The following FER1L6 variants were observed in gnomAD, a reference collection of about 807,000 sequenced individuals.
The protein encoded by FER1L6 is fer-1-like protein 6.
FER1L6 carries 177 observed loss-of-function variants against 219.2 expected under a neutral mutation model. The ratio of observed to expected loss-of-function variants is 0.81; its 90% CI spans 0.71 to 0.91. The LOEUF is 0.91. Ranked by LOEUF, FER1L6 falls within the 40% of genes least tolerant of loss-of-function variation. The probability of loss-of-function intolerance (pLI) is 0.00; values close to 1 mark genes in which losing one functional copy is unlikely to be tolerated. For synonymous variants in FER1L6, 768 were observed against 824.3 expected (o/e 0.93, Z 1.17); for missense variants, 2,153 against 2,259.9 (o/e 0.95, Z 0.96).
At chr8:123,972,358 A>G (rs1815858100) in intron 6 of FER1L6, among the ~76,000 whole-genome samples, 1 of 152,228 alleles carries the variant, frequency 6.6e-6, no homozygotes, top group Non-Finnish European at 1.5e-5. Context: ...CTGAATGTTT[A>G]TTGAATATCT....
chr8:124,023,677 G>A, intron 18 of FER1L6, 81 bp downstream of exon 18: 1 of 1,438,250 alleles, frequency 7.0e-7, no homozygotes, highest in Non-Finnish European at 9.5e-7. Flanking sequence ...GTGTGTCCAT[G>A]GCTCTGACCA....
chr8:123,917,369 A>T (rs1813220386), intron 1 of FER1L6, among the ~76,000 whole-genome samples: 1 of 152,244 alleles, frequency 6.6e-6, no homozygotes, highest in African/African-American at 2.4e-5. Flanking sequence ...CGAGGTGTCC[A>T]GTACATCAAT....
At chr8:123,956,858 G>A (rs1408213551) in intron 2 of FER1L6, among the ~76,000 whole-genome samples, 1 of 152,152 alleles carries the variant, frequency 6.6e-6, no homozygotes. Context: ...CTCTTAGAAT[G>A]GGATACCTCC....
At chr8:123,886,632 T>G (rs1209731763) in intron 1 of FER1L6, among the ~76,000 whole-genome samples, 10 of 152,234 alleles carry the variant, frequency 6.6e-5, no homozygotes, top group Admixed American at 6.5e-4. Context: ...GTCTAAGACC[T>G]GGGTGATCAT....
chr8:124,018,535 T>TC (rs1360444236), intron 16 of FER1L6, among the ~76,000 whole-genome samples: 1 of 152,212 alleles, frequency 6.6e-6, no homozygotes, highest in African/African-American at 2.4e-5. Context: ...AATAAGACCT[T>TC]CTTCCTATGC....
chr8:123,857,888 T>G (rs1418013905), intron 1 of FER1L6, among the ~76,000 whole-genome samples: 1 of 152,208 alleles, frequency 6.6e-6, no homozygotes. Context: ...CTCAAGCTCC[T>G]GGGGACTGAT....
At chr8:123,942,043 CTCTG>C (rs1347700904) in intron 1 of FER1L6, among the ~76,000 whole-genome samples, 1 of 152,172 alleles carries the variant, frequency 6.6e-6, no homozygotes, top group Non-Finnish European at 1.5e-5. Flanking sequence ...AGGGAACCCA[CTCTG>C]TCTGTGAACC....
chr8:123,903,912 T>G (rs1420132321), intron 1 of FER1L6, among the ~76,000 whole-genome samples: 2 of 152,182 alleles, frequency 1.3e-5, no homozygotes. Flanking sequence ...AAGAGGGATT[T>G]GACAATTTAA....
rs144547960 is a variant in FER1L6, at chr8:123,872,721, A to C, written c.-8+20536A>C. ...AAAAAAAACTTATATTTAAAAAAGC[A>C]TACCTGATAGAGAATTCCCATTTAG... On this transcript the variant is annotated intron_variant, in intron 1 of 40. Coordinates refer to ENST00000522917, the MANE Select transcript of FER1L6 (RefSeq NM_001039112.2). Among the ~76,000 whole-genome samples, 84 of 152,318 alleles carry C rather than the reference A, an allele frequency of 5.5e-4. 1 individual carries two copies. Among genetic ancestry groups the C allele is most frequent in the African/African-American group, 1.9e-3 (80 of 41,566 alleles).
In FER1L6 at chr8:124,006,363, A is replaced by AT. The variant is rs142244969; in HGVS notation, c.1700+3025dup. Among the ~76,000 whole-genome samples the AT allele has an allele frequency of 1.2e-3, 182 of 151,254 alleles. 1 individual carries two copies. The highest frequency in any genetic ancestry group is 3.9e-3 in the African/African-American group (163 of 41,310). On this transcript the variant is annotated intron_variant, in intron 13 of 40. Coordinates refer to ENST00000522917, the MANE Select transcript of FER1L6 (RefSeq NM_001039112.2). ...GGAGATCAAAATAAGTCATGCTGGT[A>AT]TTTTTTTTTGGTACAGTTGGGCTTT...
At chr8:124,024,967 A>G (rs1427364337) in intron 18 of FER1L6, among the ~76,000 whole-genome samples, 2 of 151,954 alleles carry the variant, frequency 1.3e-5, no homozygotes, top group African/African-American at 2.4e-5. Flanking sequence ...AGTGATGCTG[A>G]GCATTTTTTT....
chr8:124,059,401 A>T (rs1483282334), intron 22 of FER1L6, among the ~76,000 whole-genome samples: 1 of 152,050 alleles, frequency 6.6e-6, no homozygotes, highest in Non-Finnish European at 1.5e-5. Context: ...TGAATGGTAG[A>T]AGCAGCTGGG....
At chr8:124,114,895 G>GTGTATATATATATATATA (rs368797867) in intron 39 of FER1L6, among the ~76,000 whole-genome samples, 2 of 90,050 alleles carry the variant, frequency 2.2e-5, no homozygotes, top group African/African-American at 7.8e-5. Flanking sequence ...GTGTGTGTGC[G>GTGTATATATATATATATA]TATATATATA....
chr8:124,031,578 A>G (rs1363872563), intron 18 of FER1L6, among the ~76,000 whole-genome samples: 1 of 152,168 alleles, frequency 6.6e-6, no homozygotes, highest in East Asian at 1.9e-4. Flanking sequence ...AGGCAGAGGG[A>G]AAGTTAGAGT....
At chr8:124,006,523 C>CAT (rs1817661835) in intron 13 of FER1L6, among the ~76,000 whole-genome samples, 1 of 152,194 alleles carries the variant, frequency 6.6e-6, no homozygotes, top group Non-Finnish European at 1.5e-5. Context: ...TGCATGTGCA[C>CAT]ATATATATGA....
intron 21 of FER1L6, among the ~76,000 whole-genome samples, chr8:124,049,223 T>G (rs1335244817): frequency 6.6e-6 from 1 of 152,058 alleles, no homozygotes; most frequent in East Asian, 1.9e-4. Context: ...AATTTTTGTA[T>G]TTTTAGTAGA....
intron 22 of FER1L6, among the ~76,000 whole-genome samples, chr8:124,051,394 C>G (rs1249164810): frequency 6.6e-6 from 1 of 152,194 alleles, no homozygotes; most frequent in Non-Finnish European, 1.5e-5. Context: ...GGAGAAATCT[C>G]TGATACAGGC....
At chr8:124,098,319 A>C (rs1822398323) in intron 37 of FER1L6, among the ~76,000 whole-genome samples, 1 of 152,198 alleles carries the variant, frequency 6.6e-6, no homozygotes, top group Non-Finnish European at 1.5e-5. Flanking sequence ...GACCCAGGGA[A>C]GCATTTTATA....
intron 1 of FER1L6, among the ~76,000 whole-genome samples, chr8:123,862,512 T>C (rs1816764006): frequency 7.1e-6 from 1 of 140,360 alleles, no homozygotes; most frequent in African/African-American, 2.9e-5. Flanking sequence ...TTAGGGAGGA[T>C]TACCTCTTTT....
Sources: gnomAD v4.1 joint callset for allele counts (sites outside exome capture counted in the v4.1 genomes callset) on GRCh38, gnomAD v4.1.1 for gene constraint, MANE v1.5 for transcripts, NCBI Gene and HGNC (gene_info 2026-07-23, HGNC 2026-07-21) for gene names.